The following EPN3 variants were observed in gnomAD, a reference collection of about 807,000 sequenced individuals.
The protein encoded by EPN3 is epsin 3.
A neutral mutation model predicts 55.5 loss-of-function variants in EPN3; 56 were observed. The ratio of observed to expected loss-of-function variants is 1.01; its 90% confidence interval spans 0.81 to 1.26. The LOEUF is 1.26. EPN3 is among the 50% of genes most tolerant of loss of function. The pLI is 0.00. For missense variants in EPN3, 927 were observed against 853.4 expected (o/e 1.09, Z -1.07); for synonymous variants, 449 against 375.2 (o/e 1.20, Z -2.27).
At chr17:50,535,529 C>A (rs1405319882) in intron 1 of EPN3, among the ~76,000 whole-genome samples, 2 of 152,170 alleles carry the variant, frequency 1.3e-5, no homozygotes, top group East Asian at 1.9e-4. Context: ...TTCTTCTGAG[C>A]CGCCCTCCCC....
Position 50,536,902 on chromosome 17 carries a change from G to C in EPN3, c.346G>C (p.Gly116Arg), listed in dbSNP as rs749208124. The C allele has an allele frequency of 6.2e-7, 1 of 1,614,130 alleles. No homozygotes were observed. The highest frequency in any genetic ancestry group is 8.5e-7 in the Non-Finnish European group (1 of 1,180,044). The change falls in exon 2 of 10, where the codon GGC (glycine) becomes CGC (arginine). Residue 116 changes from glycine (G) to arginine (R), a missense_variant. Transcript: ENST00000268933. Reference sequence around the variant, plus strand: ...GGACTTCCAGTACATCGACCGCGACGGCAAGGACCAGGGCGTCAACGTGCG... The same window carrying C: ...GGACTTCCAGTACATCGACCGCGACCGCAAGGACCAGGGCGTCAACGTGCG... Reference protein sequence around the residue: ...LKDFQYIDRDGKDQGVNVREK... With the variant: ...LKDFQYIDRDRKDQGVNVREK...
intron 1 of EPN3, chr17:50,534,391 G>A: frequency 1.0e-6 from 1 of 984,194 alleles, no homozygotes; most frequent in Non-Finnish European, 1.2e-6. Context: ...GGGCAGCCAG[G>A]TCCAGGTAGG....
rs745948432 is a variant in EPN3 at position 50,536,743 on chromosome 17, C to T, written c.187C>T (p.Arg63Trp). Residue 63 changes from arginine (R) to tryptophan (W), a missense_variant, in exon 2 of 10, where the codon CGG (arginine) becomes TGG (tryptophan). By Grantham distance (101) the Arg-to-Trp change is moderately radical. Transcript: ENST00000268933. ...CGAAGTCATGGGCATGCTGTGGCGG[C>T]GGCTCAATGACAGCGGCAAGAACTG... Reference protein sequence around the residue: ...FTEVMGMLWRRLNDSGKNWRH... With the variant: ...FTEVMGMLWRWLNDSGKNWRH... 1.2e-5 allele frequency: 19 copies of T among 1,613,982 alleles called. No individual in the cohort carries two copies. The highest frequency in any genetic ancestry group is 4.4e-5 in the South Asian group (4 of 91,086).
rs1232994812 is a variant in EPN3 at position 50,541,046 on chromosome 17, G to A, written c.1233G>A (p.Glu411=). ...CTGACCCTTGGGGAGCCTCCCTGGA[G>A]ACCTCCGACACACCTGGTAAGAAGA... ...TGADPWGASL[E]TSDTPGGAST... The change falls in exon 7 of 10, where the codon GAG becomes GAA. Residue 411 remains glutamate (E), a synonymous_variant. Coordinates refer to ENST00000268933, the MANE Select transcript of EPN3 (RefSeq NM_017957.3). The A allele has an allele frequency of 1.3e-6, 2 of 1,582,588 alleles. No homozygotes were observed. Among genetic ancestry groups the A allele is most frequent in the East Asian group, 2.2e-5 (1 of 44,520 alleles).
intron 2 of EPN3, 149 bp downstream of exon 2, chr17:50,537,267 C>T (rs2034778339): frequency 3.8e-6 from 3 of 791,228 alleles, no homozygotes; most frequent in Admixed American, 2.9e-5. Flanking sequence ...AGGCGCAACA[C>T]CCGGCACATA....
rs1282463316 is a variant in EPN3, at chr17:50,541,926, G to A, written c.1668G>A (p.Ser556=). 1.3e-6 allele frequency: 2 copies of A among 1,599,966 alleles called. No homozygotes were observed. ...CGCTAAACCAGATGCGCACCGGCTC[G>A]CCGGCGCTGGGCCTGGCAGGCGGGC... The part of the protein sequence containing the change: ...RPTLNQMRTG[S]PALGLAGGPV... The change falls in exon 10 of 10, where the codon TCG becomes TCA. Residue 556 remains serine (S), a synonymous_variant. Coordinates refer to ENST00000268933, the MANE Select transcript of EPN3 (RefSeq NM_017957.3).
intron 2 of EPN3, 190 bp from the exon 3 acceptor site, chr17:50,537,889 G>A (rs747937158): frequency 1.9e-5 from 11 of 566,690 alleles, no homozygotes; most frequent in African/African-American, 5.7e-5. Context: ...GACTGGAGCC[G>A]CCCCTCCATC....
intron 1 of EPN3, among the ~76,000 whole-genome samples, chr17:50,533,669 G>C (rs1464265253): frequency 6.6e-6 from 1 of 152,158 alleles, no homozygotes; most frequent in African/African-American, 2.4e-5. Flanking sequence ...TGCAGGCCCT[G>C]AGAAGAGCAG....
intron 6 of EPN3, 144 bp from the exon 7 acceptor site, chr17:50,540,649 T>A: frequency 8.8e-7 from 1 of 1,141,330 alleles, no homozygotes; most frequent in Non-Finnish European, 1.2e-6. Context: ...AAATAGGGGC[T>A]CCAGCCTGCT....
chr17:50,540,202 A>G, intron 5 of EPN3, 45 bp from the exon 6 acceptor site: 2 of 1,544,534 alleles, frequency 1.3e-6, no homozygotes, highest in Non-Finnish European at 1.8e-6. Context: ...CCCTCCCTCC[A>G]GGCCCCGCCC....
rs1325135392 is a variant in EPN3 at position 50,542,991 on chromosome 17, G to A, written c.*834G>A. On this transcript the variant is annotated 3_prime_UTR_variant, in exon 10 of 10. Transcript: ENST00000268933. ...ACAAAGCTGGCATGGGGCGGGGCTGGAACTCAAGAGTCAGACAGTCTGGCT... is the reference window on the plus strand; with the variant it reads ...ACAAAGCTGGCATGGGGCGGGGCTGAAACTCAAGAGTCAGACAGTCTGGCT... 1 of 152,228 alleles carries A rather than the reference G, an allele frequency of 6.6e-6. No individual in the cohort carries two copies. The highest frequency in any genetic ancestry group is 1.5e-5 in the Non-Finnish European group (1 of 68,048). The allele number at this position is 152,228 out of a possible 1,614,324, so 9.4% of individuals were successfully genotyped here.
intron 2 of EPN3, among the ~76,000 whole-genome samples, chr17:50,537,688 A>C (rs1213251405): frequency 6.6e-6 from 1 of 152,160 alleles, no homozygotes; most frequent in Non-Finnish European, 1.5e-5. Context: ...AGCCCTTGAC[A>C]GTTTGCTGAG....
chr17:50,536,994 C>T lies in EPN3; in HGVS notation c.438C>T (p.His146=), dbSNP rs150691266. The change falls in exon 2 of 10, where the codon CAC becomes CAT. Residue 146 remains histidine, a synonymous_variant. Coordinates refer to ENST00000268933, the MANE Select transcript of EPN3 (RefSeq NM_017957.3). ...DEERLRQERT[H]ALKTKERMAL... is the part of the protein sequence containing the mutation. ...AGCGGCTGCGGCAGGAGCGAACCCA[C>T]GCCCTCAAGACCAAGGAGCGCATGG... 613 of 1,613,614 alleles carry T rather than the reference C, an allele frequency of 3.8e-4. No homozygotes were observed. The highest frequency in any genetic ancestry group is 3.4e-4 in the Non-Finnish European group (399 of 1,179,956).
At position 50,542,083 on chromosome 17, in the gene EPN3, C is replaced by CCGCTGCG; in HGVS notation, c.1831_1832insGCGCTGC (p.Leu611ArgfsTer179). ...GCAGGCCGGAGCCTTCGCACCGCAG[C>CCGCTGCG]CGCTGCTGCCCACGCCGAGCTCAGC... On this transcript the variant is annotated frameshift_variant, in exon 10 of 10. Transcript: ENST00000268933. LOFTEE classifies it high-confidence loss of function. The CCGCTGCG allele has an allele frequency of 3.2e-6, 5 of 1,575,702 alleles. No homozygotes were observed. Among genetic ancestry groups the CCGCTGCG allele is most frequent in the Non-Finnish European group, 4.3e-6 (5 of 1,170,790 alleles).
At chr17:50,541,418 C>T (rs1164676853) in intron 8 of EPN3, 46 bp from the exon 9 acceptor site, 1 of 1,608,224 alleles carries the variant, frequency 6.2e-7, no homozygotes, top group Admixed American at 1.7e-5. Context: ...CCACGTCGGG[C>T]GCCAATCCCT....
chr17:50,537,055 G>C lies in EPN3; in HGVS notation c.499G>C (p.Gly167Arg), dbSNP rs1164602941. The change falls in exon 2 of 10, where the codon GGC (glycine) becomes CGC (arginine). Residue 167 changes from glycine (G) to arginine (R), a missense_variant. Physicochemically the swap from Gly to Arg is moderately radical, Grantham distance 125 (BLOSUM62 -2). Coordinates refer to ENST00000268933, the MANE Select transcript of EPN3 (RefSeq NM_017957.3). ...EGIGIGSGQL[G>R]FSRRYGEDYS... ...CATCGGCATTGGCAGTGGGCAGCTG[G>C]GCTTCAGCCGCCGCTACGGCGAGGA... 1.2e-6 allele frequency: 2 copies of C among 1,611,250 alleles called. No individual in the cohort carries two copies. Among genetic ancestry groups the C allele is most frequent in the African/African-American group, 1.3e-5 (1 of 74,914 alleles).
In EPN3 at chr17:50,540,087, CATT is replaced by C. The variant is rs538561305; in HGVS notation, c.892-157_892-155del. On this transcript the variant is annotated intron_variant, in intron 5 of 9. Transcript: ENST00000268933. ...ATCAGGTACTCTGTGGATGAAGAAA[CATT>C]ATAAACTGTAAAGCACTGTGCAGAG... 47 of 509,438 alleles carry C rather than the reference CATT, an allele frequency of 9.2e-5. No homozygotes were observed. The South Asian group carries it at 1.6e-3, about 17-fold the overall frequency. 31.6% of individuals were successfully genotyped at this position (509,438 alleles called of 1,614,324 possible).
At chr17:50,534,710 T>G (rs2034733450) in intron 1 of EPN3, 5 of 943,312 alleles carry the variant, frequency 5.3e-6, no homozygotes, top group Non-Finnish European at 6.3e-6. Flanking sequence ...GGTATCTTAT[T>G]CTCTGGGCCC....
In EPN3 at chr17:50,542,019, A is replaced by T. The variant is rs2034856711; in HGVS notation, c.1761A>T (p.Pro587=). 6.3e-7 allele frequency: 1 copy of T among 1,597,422 alleles called. No homozygotes were observed. The highest frequency in any genetic ancestry group is 1.7e-5 in the Admixed American group (1 of 59,874). Residue 587 remains proline (P), a synonymous_variant, in exon 10 of 10, where the codon CCA becomes CCT. Coordinates refer to ENST00000268933, the MANE Select transcript of EPN3 (RefSeq NM_017957.3). ...ASLPLPLSSV[P]AGLTLPASVS... is the part of the protein sequence containing the mutation. ...TGCCCCTCCCGCTCAGCAGCGTGCC[A>T]GCTGGCTTGACCCTCCCCGCCTCGG...
Sources: allele counts gnomAD v4.1 joint callset (sites outside exome capture counted in the v4.1 genomes callset), GRCh38; gene constraint gnomAD v4.1.1; transcripts MANE v1.5; gene names NCBI Gene and HGNC (gene_info 2026-07-23, HGNC 2026-07-21).